ZNF257: variants seen among roughly 807,000 people sequenced by gnomAD.
ZNF257 encodes the protein zinc finger protein 257.
Under a neutral mutation model 11.9 loss-of-function variants are expected in ZNF257, and 12 were observed. The observed-to-expected ratio is 1.01, with a 90% CI of 0.65 to 1.63. The LOEUF is 1.63. Among genes scored for constraint, ZNF257 ranks in the 40% most tolerant of loss-of-function variants. The pLI is 0.00. For missense variants in ZNF257, 580 were observed against 665.5 expected (o/e 0.87, Z 1.41); for synonymous variants, 183 against 222.7 (o/e 0.82, Z 1.59).
rs371947573 is a variant in ZNF257 at position 22,089,442 on chromosome 19, A to G, written c.1692A>G (p.Ter564=). The G allele has an allele frequency of 1.2e-6, 2 of 1,602,312 alleles. No homozygotes were observed. The highest frequency in any genetic ancestry group is 1.7e-5 in the Admixed American group (1 of 58,020). ...HSSNLTKHNS[*] is the part of the protein sequence containing the mutation. ...CAAACCTTACTAAACATAATTCATA[A>G]TGGAGAAAAACCCTACAAATGTGAA... The change falls in exon 4 of 4, where the codon TAA becomes TAG. Residue 564 remains the stop codon, a stop_retained_variant. Transcript: ENST00000594947.
Position 22,080,815 on chromosome 19 carries a change from T to C in ZNF257, c.227-7162T>C, listed in dbSNP as rs1012978376. 2.0e-5 allele frequency among the ~76,000 whole-genome samples: 3 copies of C among 151,412 alleles called. No homozygotes were observed. The East Asian group carries it at 5.8e-4, about 29-fold the overall frequency. ...TATTTTGGAGCCCTGATATTATATA[T>C]ACATATACATATAGCTAGATAAGTA... On this transcript the variant is annotated intron_variant, in intron 3 of 3. Transcript: ENST00000594947.
In ZNF257 at chr19:22,056,071, AG is replaced by A. The variant is rs199749143; in HGVS notation, c.3+3437del. 4.0e-5 allele frequency among the ~76,000 whole-genome samples: 6 copies of A among 149,374 alleles called. 1 individual carries two copies. The highest frequency in any genetic ancestry group is 5.9e-5 in the Non-Finnish European group (4 of 67,414). On this transcript the variant is annotated intron_variant, in intron 1 of 3. Transcript: ENST00000594947. The stretch of plus-strand genomic sequence containing the variant: ...CTCCGTCTCAAAAAAAAAAAAAAAA[AG>A]AAAAGAATTGTTTTCACTTATCTTG...
rs910779598 is a variant in ZNF257 at position 22,089,712 on chromosome 19, T to C, written c.*270T>C. On this transcript the variant is annotated 3_prime_UTR_variant, in exon 4 of 4. Transcript: ENST00000594947. ...ATGTGGAAGATAAAGCCTACAAATA[T>C]GAAGAATGTGACAAGGCCTTTAAAA... The C allele has an allele frequency of 1.4e-5, 10 of 710,478 alleles. No homozygotes were observed. Among genetic ancestry groups the C allele is most frequent in the Non-Finnish European group, 2.1e-5 (10 of 481,550 alleles). The allele number at this position is 710,478 out of a possible 1,614,324, so 44.0% of individuals were successfully genotyped here.
Position 22,073,481 on chromosome 19 carries a change from C to T in ZNF257, c.143C>T (p.Ser48Phe), listed in dbSNP as rs755190341. 1 of 1,610,294 alleles carries T rather than the reference C, an allele frequency of 6.2e-7. No individual in the cohort carries two copies. The highest frequency in any genetic ancestry group is 8.5e-7 in the Non-Finnish European group (1 of 1,178,676). The change falls in exon 3 of 4, where the codon TCT becomes TTT. Residue 48 changes from serine to phenylalanine, a missense_variant. Transcript: ENST00000594947. ...RNLVFLGIAV[S>F]KPDLITCLEQ... Reference sequence around the variant, plus strand: ...TTTTAAAAAACAGGTATTGCTGTCTCTAAGCCAGACCTGATCACCTGTCTG... The same window carrying T: ...TTTTAAAAAACAGGTATTGCTGTCTTTAAGCCAGACCTGATCACCTGTCTG...
intron 1 of ZNF257, among the ~76,000 whole-genome samples, chr19:22,067,246 G>A (rs777005914): frequency 2.6e-5 from 4 of 152,110 alleles, no homozygotes; most frequent in Admixed American, 6.5e-5. Context: ...CTCTTTCGTT[G>A]ACTCTTGTAT....
At chr19:22,072,667 AT>A (rs1395052202) in intron 1 of ZNF257, 141 bp from the exon 2 acceptor site, 8 of 893,252 alleles carry the variant, frequency 9.0e-6, no homozygotes, top group African/African-American at 3.5e-5. Flanking sequence ...TGTTAAAAAA[AT>A]ATTTTCTTGG....
chr19:22,054,720 T>C (rs117779622), intron 1 of ZNF257, among the ~76,000 whole-genome samples: 1,833 of 152,284 alleles, frequency 0.012, 15 homozygotes, highest in Non-Finnish European at 0.018. Flanking sequence ...TTTGCTTTTA[T>C]CTTGTATAGG....
intron 1 of ZNF257, among the ~76,000 whole-genome samples, chr19:22,067,885 C>A (rs1385069329): frequency 6.6e-6 from 1 of 150,976 alleles, no homozygotes; most frequent in African/African-American, 2.4e-5. Context: ...TGTCTCCCCC[C>A]CGCTTGAGCT....
In ZNF257 at chr19:22,061,267, T is replaced by G. The variant is rs1291845209; in HGVS notation, c.3+8632T>G. Among the ~76,000 whole-genome samples the G allele has an allele frequency of 2.0e-5, 3 of 152,216 alleles. No homozygotes were observed. In the East Asian group the frequency reaches 5.8e-4, roughly 29 times the overall value. On this transcript the variant is annotated intron_variant, in intron 1 of 3. Coordinates refer to ENST00000594947, the MANE Select transcript of ZNF257 (RefSeq NM_033468.4). ...TTTCTATCCATGAGCATAAAATGAT[T>G]TTCCATTTGTTTTTCATCTCTGACT... is the stretch of plus-strand genomic sequence containing the variant.
At position 22,072,938 on chromosome 19, in the gene ZNF257, G is replaced by A; in HGVS notation, c.130+3G>A. The A allele has an allele frequency of 2.5e-6, 4 of 1,610,592 alleles. No individual in the cohort carries two copies. Among genetic ancestry groups the A allele is most frequent in the Non-Finnish European group, 3.4e-6 (4 of 1,178,482 alleles). ...CTACAGAAACCTGGTCTTCCTGGGTGAGGATAACTTCAGTACTCAATTCCT... is the reference window on the plus strand; with the variant it reads ...CTACAGAAACCTGGTCTTCCTGGGTAAGGATAACTTCAGTACTCAATTCCT... On this transcript the variant is annotated splice_donor_region_variant and intron_variant, in intron 2 of 3. Transcript: ENST00000594947.
At chr19:22,068,561 G>T (rs2022021982) in intron 1 of ZNF257, among the ~76,000 whole-genome samples, 1 of 152,112 alleles carries the variant, frequency 6.6e-6, no homozygotes, top group African/African-American at 2.4e-5. Flanking sequence ...ACATCTTAAA[G>T]CCCCCCTTTG....
intron 1 of ZNF257, among the ~76,000 whole-genome samples, chr19:22,062,095 C>T (rs888248668): frequency 1.2e-4 from 18 of 145,398 alleles, no homozygotes; most frequent in Admixed American, 1.0e-3. Context: ...GAGACTTGCT[C>T]TGCTGCCCAG....
intron 1 of ZNF257, among the ~76,000 whole-genome samples, chr19:22,061,277 T>G (rs1221845631): frequency 1.3e-5 from 2 of 152,238 alleles, no homozygotes; most frequent in Non-Finnish European, 2.9e-5. Context: ...TTTCCATTTG[T>G]TTTTCATCTC....
intron 3 of ZNF257, among the ~76,000 whole-genome samples, chr19:22,083,755 C>G (rs1176674329): frequency 6.6e-6 from 1 of 152,118 alleles, no homozygotes; most frequent in African/African-American, 2.4e-5. Context: ...CTCATACAAT[C>G]TCTGTCTGTT....
chr19:22,089,687 A>T lies in ZNF257; in HGVS notation c.*245A>T. 2.1e-6 allele frequency: 2 copies of T among 937,726 alleles called. No homozygotes were observed. The highest frequency in any genetic ancestry group is 3.0e-6 in the Non-Finnish European group (2 of 673,784). The allele number at this position is 937,726 out of a possible 1,614,324, so 58.1% of individuals were successfully genotyped here. On this transcript the variant is annotated 3_prime_UTR_variant, in exon 4 of 4. Coordinates refer to ENST00000594947, the MANE Select transcript of ZNF257 (RefSeq NM_033468.4). ...CAACTCTTACTAAACATGAGAACACATGTGGAAGATAAAGCCTACAAATAT... is the reference window on the plus strand; with the variant it reads ...CAACTCTTACTAAACATGAGAACACTTGTGGAAGATAAAGCCTACAAATAT...
At chr19:22,077,893 G>A (rs1456846150) in intron 3 of ZNF257, among the ~76,000 whole-genome samples, 3 of 151,928 alleles carry the variant, frequency 2.0e-5, no homozygotes, top group Non-Finnish European at 4.4e-5. Context: ...ATCGACATGG[G>A]TTTCATTTTC....
intron 3 of ZNF257, among the ~76,000 whole-genome samples, chr19:22,080,284 A>G (rs1248837867): frequency 1.3e-5 from 2 of 152,146 alleles, no homozygotes; most frequent in Non-Finnish European, 2.9e-5. Context: ...CTGCCATGTA[A>G]TTCTCAATGT....
At chr19:22,081,988 G>C (rs1271673285) in intron 3 of ZNF257, among the ~76,000 whole-genome samples, 1 of 151,360 alleles carries the variant, frequency 6.6e-6, no homozygotes, top group Non-Finnish European at 1.5e-5. Context: ...TTTTCTATTT[G>C]TTTAGCATAC....
intron 3 of ZNF257, chr19:22,074,486 G>A (rs903248560): frequency 1.3e-5 from 2 of 151,956 alleles, no homozygotes; most frequent in African/African-American, 2.4e-5. Flanking sequence ...CAAGTAGCAG[G>A]GATTACAGGC....
Sources: gnomAD v4.1 joint callset for allele counts (sites outside exome capture counted in the v4.1 genomes callset) on GRCh38, gnomAD v4.1.1 for gene constraint, MANE v1.5 for transcripts, NCBI Gene and HGNC (gene_info 2026-07-23, HGNC 2026-07-21) for gene names.